Variants in APC observed in about 807,000 individuals in gnomAD.
APC encodes APC regulator of Wnt signaling pathway.
In APC, 72 loss-of-function variants were observed where a neutral mutation model predicts 247.0. The ratio of observed to expected loss-of-function variants is 0.29; its 90% CI spans 0.24 to 0.35. The LOEUF (loss-of-function observed/expected upper bound fraction) is 0.35, where lower values mean the gene tolerates loss of function less well. APC is among the 10% of genes least tolerant of loss of function. APC has a pLI of 1.00. For synonymous variants in APC, 1,254 were observed against 1,162.5 expected (o/e 1.08, Z -1.60); for missense variants, 3,400 against 3,360.7 (o/e 1.01, Z -0.29).
At chr5:112,828,213 T>C (rs1275586112) in intron 13 of APC, among the ~76,000 whole-genome samples, 2 of 152,006 alleles carry the variant, frequency 1.3e-5, no homozygotes, top group Non-Finnish European at 2.9e-5. Flanking sequence ...TTTGTATTTT[T>C]TATAGAGACG....
intron 4 of APC, among the ~76,000 whole-genome samples, chr5:112,769,321 G>A (rs1043240562): frequency 6.6e-6 from 1 of 151,954 alleles, no homozygotes; most frequent in Non-Finnish European, 1.5e-5. Flanking sequence ...AAAGTTTTGG[G>A]ATTACAGGCA....
At position 112,838,401 on chromosome 5, in the gene APC, A is replaced by G. The variant is rs878853433; in HGVS notation, c.2807A>G (p.Asn936Ser). 8 of 1,614,180 alleles carry G rather than the reference A, an allele frequency of 5.0e-6. No individual in the cohort carries two copies. The highest frequency in any genetic ancestry group is 1.1e-5 in the South Asian group (1 of 91,088). Reference protein sequence around the residue: ...SAAHTHSNTYNFTKSENSNRT... With the variant: ...SAAHTHSNTYSFTKSENSNRT... ...GCCCATACACATTCAAACACTTACAATTTCACTAAGTCGGAAAATTCAAAT... is the reference window on the plus strand; with the variant it reads ...GCCCATACACATTCAAACACTTACAGTTTCACTAAGTCGGAAAATTCAAAT... Residue 936 changes from asparagine (N) to serine (S), a missense_variant, in exon 16 of 16, where the codon AAT (asparagine) becomes AGT (serine). This residue lies in a region of APC where 715 missense variants were observed against 656.6 expected (regional missense o/e 1.09). Coordinates refer to ENST00000257430, the MANE Select transcript of APC (RefSeq NM_000038.6).
intron 8 of APC, among the ~76,000 whole-genome samples, chr5:112,811,040 A>C (rs75329798): frequency 0.015 from 2,191 of 150,550 alleles, 49 homozygotes; most frequent in African/African-American, 0.052. Flanking sequence ...CACACACACA[A>C]AAAAAGAACC....
chr5:112,845,893 A>G lies in APC; in HGVS notation c.*1767A>G, dbSNP rs1007354169. ...TATTTGGGGAGGGAAAACCTTTTTA[A>G]GCATGGTGGGGCACTCAGATAGGAG... is the stretch of plus-strand genomic sequence containing the variant. On this transcript the variant is annotated 3_prime_UTR_variant, in exon 16 of 16. Coordinates refer to ENST00000257430, the MANE Select transcript of APC (RefSeq NM_000038.6). 2 of 232,204 alleles carry G rather than the reference A, an allele frequency of 8.6e-6. No individual in the cohort carries two copies. Among genetic ancestry groups the G allele is most frequent in the Non-Finnish European group, 1.7e-5 (2 of 117,528 alleles). The allele number at this position is 232,204 out of a possible 1,614,324, so 14.4% of individuals were successfully genotyped here. A position where few individuals can be genotyped will look rare whatever the true frequency, so the allele number is the denominator to read the frequency against.
At chr5:112,810,719 A>AGG (rs1478088592) in intron 8 of APC, among the ~76,000 whole-genome samples, 1 of 152,230 alleles carries the variant, frequency 6.6e-6, no homozygotes, top group African/African-American at 2.4e-5. Flanking sequence ...AAAAGCTAGC[A>AGG]AGAGAATTAT....
At chr5:112,775,124 C>T (rs1224347402) in intron 4 of APC, among the ~76,000 whole-genome samples, 4 of 152,044 alleles carry the variant, frequency 2.6e-5, no homozygotes, top group Admixed American at 2.6e-4. Flanking sequence ...AGTTTTTCTC[C>T]GTCATAACTT....
At chr5:112,825,744 A>G (rs1307765097) in intron 11 of APC, among the ~76,000 whole-genome samples, 2 of 152,244 alleles carry the variant, frequency 1.3e-5, no homozygotes, top group African/African-American at 2.4e-5. Flanking sequence ...CAACTTAAAC[A>G]TTAAAAGATT....
intron 10 of APC, 113 bp from the exon 11 acceptor site, chr5:112,821,783 A>G: frequency 1.3e-6 from 1 of 799,712 alleles, no homozygotes; most frequent in Non-Finnish European, 2.1e-6. Flanking sequence ...GATCCACTAA[A>G]ATTCCGTGAA....
chr5:112,843,536 G>T lies in APC; in HGVS notation c.7942G>T (p.Ala2648Ser), dbSNP rs1195417407. The stretch of plus-strand genomic sequence containing the variant: ...ATCAAAGACTCTAATTTATCAAATG[G>T]CACCTGCTGTTTCTAAAACAGAGGA... ...AESKTLIYQM[A>S]PAVSKTEDVW... is the part of the protein sequence containing the mutation. The change falls in exon 16 of 16, where the codon GCA (alanine) becomes TCA (serine). Residue 2648 changes from alanine to serine, a missense_variant. Transcript: ENST00000257430. The surrounding 1 kb of genome is among the most constrained non-coding windows in gnomAD (Gnocchi z 4.8). 1 of 1,613,648 alleles carries T rather than the reference G, an allele frequency of 6.2e-7. No homozygotes were observed. Among genetic ancestry groups the T allele is most frequent in the Non-Finnish European group, 8.5e-7 (1 of 1,179,676 alleles).
intron 2 of APC, among the ~76,000 whole-genome samples, chr5:112,760,172 AAG>A (rs1755494932): frequency 6.6e-6 from 1 of 152,260 alleles, no homozygotes; most frequent in South Asian, 2.1e-4. Flanking sequence ...CACTGGGAGA[AAG>A]AAACTCTTGA....
intron 2 of APC, chr5:112,755,226 G>T (rs1754833963): frequency 5.4e-6 from 2 of 371,014 alleles, no homozygotes; most frequent in South Asian, 1.1e-4. Flanking sequence ...AAGAAAATAA[G>T]TGTAAAACTC....
At chr5:112,811,721 C>T (rs1401876764) in intron 8 of APC, among the ~76,000 whole-genome samples, 1 of 152,136 alleles carries the variant, frequency 6.6e-6, no homozygotes, top group African/African-American at 2.4e-5. Context: ...AATTAAACCT[C>T]CTGTTTTCTT....
In APC at chr5:112,843,888, G is replaced by C. The variant is rs2150002687; in HGVS notation, c.8294G>C (p.Ser2765Thr). 6.2e-7 allele frequency: 1 copy of C among 1,613,956 alleles called. No individual in the cohort carries two copies. The highest frequency in any genetic ancestry group is 1.7e-4 in the Middle Eastern group (1 of 6,058). Residue 2765 changes from serine to threonine, a missense_variant, in exon 16 of 16, where the codon AGC becomes ACC. Transcript: ENST00000257430. This position sits in a 1 kb window ranked among gnomAD's most constrained non-coding sequence, Gnocchi z 4.8. ...SIVERTPFSS[S>T]SSSKHSSPSG... is the part of the protein sequence containing the mutation. ...GTGGAACGTACCCCATTCAGTTCTA[G>C]CAGCTCAAGCAAACACAGTTCACCT...
intron 14 of APC, 111 bp from the exon 15 acceptor site, chr5:112,834,840 G>T: frequency 1.1e-6 from 1 of 934,278 alleles, no homozygotes; most frequent in Non-Finnish European, 1.7e-6. Context: ...AGTGAGGGAC[G>T]GGCAATAGGA....
intron 2 of APC, among the ~76,000 whole-genome samples, chr5:112,756,026 A>G (rs2149742779): frequency 6.6e-6 from 1 of 151,328 alleles, no homozygotes; most frequent in Middle Eastern, 3.5e-3. Context: ...CTATTTTAAC[A>G]TTTGAGTTCC....
chr5:112,745,815 A>C (rs553235177), intron 1 of APC, among the ~76,000 whole-genome samples: 11 of 152,108 alleles, frequency 7.2e-5, no homozygotes, highest in Non-Finnish European at 1.3e-4. Context: ...CTGCCTCGCA[A>C]AGTATGGGGA....
upstream of APC, among the ~76,000 whole-genome samples, chr5:112,736,630 T>C (rs1752404796): frequency 6.6e-6 from 1 of 152,176 alleles, no homozygotes; most frequent in South Asian, 2.1e-4. Flanking sequence ...AAACTTTAAG[T>C]TTAGGCCGGG....
intron 1 of APC, among the ~76,000 whole-genome samples, chr5:112,748,399 A>G (rs900881598): frequency 6.6e-6 from 1 of 152,146 alleles, no homozygotes; most frequent in African/African-American, 2.4e-5. Flanking sequence ...CAAGCCTAAA[A>G]TTTTTATATT....
chr5:112,715,848 C>T (rs1751139893), intron 1 of APC, among the ~76,000 whole-genome samples: 1 of 151,990 alleles, frequency 6.6e-6, no homozygotes, highest in Admixed American at 6.5e-5. Flanking sequence ...AGTATTCTAT[C>T]TTGTGATTAT....
Sources: allele counts gnomAD v4.1 joint callset (sites outside exome capture counted in the v4.1 genomes callset), GRCh38; gene constraint gnomAD v4.1.1; regional missense constraint gnomAD v4.1.1; non-coding constraint Gnocchi (gnomAD v3.1); transcripts MANE v1.5; gene names NCBI Gene and HGNC (gene_info 2026-07-23, HGNC 2026-07-21).